RALYL: variants seen among roughly 807,000 people sequenced by gnomAD.
The protein encoded by RALYL is RALY RNA binding protein like, also known as RNA-binding Raly-like protein.
In RALYL, 29 loss-of-function variants were observed where a neutral mutation model predicts 35.1. That is an observed-to-expected ratio of 0.83 (90% CI 0.61 to 1.13). RALYL has a LOEUF of 1.13. RALYL is among the 50% of genes most tolerant of loss of function. The pLI, the probability that RALYL is intolerant of heterozygous loss-of-function variation, is 0.00. For synonymous variants in RALYL, 120 were observed against 127.6 expected (o/e 0.94, Z 0.40); for missense variants, 359 against 360.4 (o/e 1.00, Z 0.03).
chr8:84,472,703 G>A (rs956485975), intron 1 of RALYL, among the ~76,000 whole-genome samples: 1 of 152,070 alleles, frequency 6.6e-6, no homozygotes, highest in Admixed American at 6.6e-5. Flanking sequence ...AAAAAAAGTA[G>A]ACAAGTTCAG....
At chr8:84,747,643 C>T (rs1271679816) in intron 2 of RALYL, among the ~76,000 whole-genome samples, 4 of 151,828 alleles carry the variant, frequency 2.6e-5, no homozygotes, top group Admixed American at 6.6e-5. Flanking sequence ...TTTATTACTT[C>T]AGATAACTCA....
intron 2 of RALYL, among the ~76,000 whole-genome samples, chr8:84,769,529 G>A (rs1003559944): frequency 5.3e-5 from 8 of 152,266 alleles, no homozygotes; most frequent in Admixed American, 3.9e-4. Context: ...GGGAAGCCGA[G>A]GCTGGAGGAT....
intron 3 of RALYL, among the ~76,000 whole-genome samples, chr8:84,798,895 A>G (rs1156281085): frequency 6.6e-6 from 1 of 152,240 alleles, no homozygotes; most frequent in Non-Finnish European, 1.5e-5. Context: ...CCACCCAGAC[A>G]GTGAGCAATT....
At chr8:84,284,145 G>C (rs1251335097) in intron 1 of RALYL, among the ~76,000 whole-genome samples, 3 of 152,094 alleles carry the variant, frequency 2.0e-5, no homozygotes, top group African/African-American at 7.2e-5. Flanking sequence ...CCTGTATTAT[G>C]ATAAACTCTG....
chr8:84,370,386 T>C (rs16912720), intron 1 of RALYL, among the ~76,000 whole-genome samples: 4,491 of 151,892 alleles, frequency 0.03, 215 homozygotes, highest in African/African-American at 0.1. Context: ...TTAACGTAAA[T>C]GAAAAGTAGT....
At chr8:84,243,370 T>C (rs1019238712) in intron 1 of RALYL, among the ~76,000 whole-genome samples, 5 of 152,166 alleles carry the variant, frequency 3.3e-5, no homozygotes. Flanking sequence ...GTGAAGAATG[T>C]CAATGGTAGT....
At chr8:84,717,089 A>C (rs7826126) in intron 2 of RALYL, among the ~76,000 whole-genome samples, 339 of 152,286 alleles carry the variant, frequency 2.2e-3, no homozygotes, top group African/African-American at 7.9e-3. Context: ...CAGGAGGCTG[A>C]GACAGGAGAA....
chr8:84,779,096 T>C (rs534692930), intron 3 of RALYL, among the ~76,000 whole-genome samples: 5 of 152,230 alleles, frequency 3.3e-5, no homozygotes, highest in African/African-American at 4.8e-5. Context: ...GCCCTAATGG[T>C]GAATAGCTAA....
chr8:84,385,399 A>G (rs1858960060), intron 1 of RALYL, among the ~76,000 whole-genome samples: 1 of 151,856 alleles, frequency 6.6e-6, no homozygotes, highest in Non-Finnish European at 1.5e-5. Context: ...TATATAAGAC[A>G]AAAGATTAGA....
At chr8:84,743,840 G>A (rs1415270215) in intron 2 of RALYL, among the ~76,000 whole-genome samples, 1 of 152,138 alleles carries the variant, frequency 6.6e-6, no homozygotes, top group East Asian at 1.9e-4. Flanking sequence ...ACCAGTCAAA[G>A]AAGGATACAC....
chr8:84,675,404 A>G (rs1187086454), intron 2 of RALYL, among the ~76,000 whole-genome samples: 3 of 152,130 alleles, frequency 2.0e-5, no homozygotes, highest in African/African-American at 7.2e-5. Context: ...AGGCTTACAA[A>G]TGGCTCCTTA....
intron 1 of RALYL, among the ~76,000 whole-genome samples, chr8:84,283,608 A>T (rs1837041234): frequency 2.0e-5 from 3 of 152,168 alleles, no homozygotes; most frequent in Admixed American, 2.0e-4. Context: ...TCACTGAAGG[A>T]ATCCCAGAAC....
At chr8:84,580,255 T>A (rs1202370326) in intron 2 of RALYL, among the ~76,000 whole-genome samples, 3 of 152,226 alleles carry the variant, frequency 2.0e-5, no homozygotes, top group Non-Finnish European at 4.4e-5. Flanking sequence ...TATGTCTTAA[T>A]CCATTTTGAG....
chr8:84,602,769 T>C (rs1816251340), intron 2 of RALYL, among the ~76,000 whole-genome samples: 1 of 152,246 alleles, frequency 6.6e-6, no homozygotes, highest in South Asian at 2.1e-4. Flanking sequence ...ACAGACTTTG[T>C]CCTGGCCCTC....
intron 4 of RALYL, among the ~76,000 whole-genome samples, chr8:84,839,872 C>T (rs533876513): frequency 9.8e-5 from 15 of 152,296 alleles, no homozygotes; most frequent in Non-Finnish European, 2.1e-4. Context: ...TGGAGTGGAC[C>T]TCCAGCAAAC....
chr8:84,674,081 A>T (rs1019902495), intron 2 of RALYL, among the ~76,000 whole-genome samples: 1 of 151,720 alleles, frequency 6.6e-6, no homozygotes, highest in Non-Finnish European at 1.5e-5. Flanking sequence ...CTTTGTAGAG[A>T]TCTTTCACTT....
chr8:84,308,421 T>C (rs1172016540), intron 1 of RALYL, among the ~76,000 whole-genome samples: 1 of 152,194 alleles, frequency 6.6e-6, no homozygotes, highest in East Asian at 1.9e-4. Context: ...CATTGATTTG[T>C]TGGATGCTGG....
At chr8:84,748,890 T>C (rs1809275662) in intron 2 of RALYL, among the ~76,000 whole-genome samples, 1 of 152,122 alleles carries the variant, frequency 6.6e-6, no homozygotes, top group South Asian at 2.1e-4. Context: ...TCTTCTCTTG[T>C]TTTGTTTATG....
intron 2 of RALYL, among the ~76,000 whole-genome samples, chr8:84,571,113 T>G (rs75219365): frequency 0.021 from 3,198 of 151,814 alleles, 107 homozygotes; most frequent in African/African-American, 0.072. Flanking sequence ...CTCTTTTTTG[T>G]CTGATTTTGG....
Sources: allele counts gnomAD v4.1 joint callset (sites outside exome capture counted in the v4.1 genomes callset), GRCh38; gene constraint gnomAD v4.1.1; transcripts MANE v1.5; gene names NCBI Gene and HGNC (gene_info 2026-07-23, HGNC 2026-07-21).